Variants in PSMB11 observed in about 807,000 individuals in gnomAD.
PSMB11 encodes proteasome subunit beta type-11.
For synonymous variants in PSMB11, 163 were observed against 167.7 expected (o/e 0.97, Z 0.22); for missense variants, 411 against 408.2 (o/e 1.01, Z -0.06).
At position 23,042,740 on chromosome 14, in the gene PSMB11, G is replaced by A. The variant is rs1002822903; in HGVS notation, c.515G>A (p.Gly172Glu). ...TATAGCGACGGCACCCGCCTGCAGGGGGACATCTTCTCTGTGGGCTCTGGA... is the reference window on the plus strand; with the variant it reads ...TATAGCGACGGCACCCGCCTGCAGGAGGACATCTTCTCTGTGGGCTCTGGA... ...YVYSDGTRLQ[G>E]DIFSVGSGSP... The change falls in exon 1 of 1, where the codon GGG (glycine) becomes GAG (glutamate). Residue 172 changes from glycine (G) to glutamate (E), a missense_variant. By Grantham distance (98) the Gly-to-Glu change is moderately conservative. Transcript: ENST00000408907. 1.2e-6 allele frequency: 2 copies of A among 1,613,204 alleles called. No individual in the cohort carries two copies. The highest frequency in any genetic ancestry group is 8.5e-7 in the Non-Finnish European group (1 of 1,179,998).
rs753428599 is a variant in PSMB11 at position 23,043,087 on chromosome 14, C to A, written c.862C>A (p.Pro288Thr). 6.2e-7 allele frequency: 1 copy of A among 1,613,082 alleles called. No homozygotes were observed. The highest frequency in any genetic ancestry group is 8.5e-7 in the Non-Finnish European group (1 of 1,179,448). ...ELSVGPGEVTPGDSRMPAGTE... is the reference protein window; with the variant it reads ...ELSVGPGEVTTGDSRMPAGTE... ...CTCTGTGGGGCCAGGGGAGGTGACACCAGGAGACTCCAGGATGCCAGCAGG... is the reference window on the plus strand; with the variant it reads ...CTCTGTGGGGCCAGGGGAGGTGACAACAGGAGACTCCAGGATGCCAGCAGG... The change falls in exon 1 of 1, where the codon CCA becomes ACA. Residue 288 changes from proline to threonine, a missense_variant. Transcript: ENST00000408907.
Position 23,042,334 on chromosome 14 carries a change from A to G in PSMB11, c.109A>G (p.Thr37Ala), listed in dbSNP as rs1433597568. 3.1e-6 allele frequency: 5 copies of G among 1,613,386 alleles called. No homozygotes were observed. The South Asian group carries it at 5.5e-5, about 18-fold the overall frequency. The change falls in exon 1 of 1, where the codon ACC (threonine) becomes GCC (alanine). Residue 37 changes from threonine (T) to alanine (A), a missense_variant. Transcript: ENST00000408907. ...TGTGCCCCGGGGTTGTGACCCTCAAACCTTCCTGCAGATCCATGGCCCCAG... is the reference window on the plus strand; with the variant it reads ...TGTGCCCCGGGGTTGTGACCCTCAAGCCTTCCTGCAGATCCATGGCCCCAG... ...WAVPRGCDPQ[T>A]FLQIHGPRLA...
chr14:23,042,295 G>C lies in PSMB11; in HGVS notation c.70G>C (p.Ala24Pro). 5.0e-6 allele frequency: 8 copies of C among 1,613,106 alleles called. No homozygotes were observed. Among genetic ancestry groups the C allele is most frequent in the Non-Finnish European group, 6.8e-6 (8 of 1,179,656 alleles). The change falls in exon 1 of 1, where the codon GCT (alanine) becomes CCT (proline). Residue 24 changes from alanine to proline, a missense_variant. Transcript: ENST00000408907. ...GGGACCATCACCTCACCTGCCTCGG[G>C]CTGGCGGCTGGGCTGTGCCCCGGGG... is the stretch of plus-strand genomic sequence containing the variant. ...TQGPSPHLPR[A>P]GGWAVPRGCD...
rs201195202 is a variant in PSMB11, at chr14:23,042,398, G to T, written c.173G>T (p.Arg58Leu). Residue 58 changes from arginine (R) to leucine (L), a missense_variant, in exon 1 of 1, where the codon CGT becomes CTT. Coordinates refer to ENST00000408907, the MANE Select transcript of PSMB11 (RefSeq NM_001099780.2). ...ACCACCACTCTGGCCTTCCGCTTCC[G>T]TCATGGAGTCATTGCTGCAGCTGAC... is the stretch of plus-strand genomic sequence containing the variant. ...HGTTTLAFRF[R>L]HGVIAAADTR... is the part of the protein sequence containing the mutation. The T allele has an allele frequency of 3.1e-6, 5 of 1,613,806 alleles. No individual in the cohort carries two copies. Among genetic ancestry groups the T allele is most frequent in the Non-Finnish European group, 3.4e-6 (4 of 1,180,040 alleles).
rs767722613 is a variant in PSMB11 at position 23,042,405 on chromosome 14, A to T, written c.180A>T (p.Gly60=). The part of the protein sequence containing the change: ...TTTLAFRFRH[G]VIAAADTRSS... ...CTCTGGCCTTCCGCTTCCGTCATGGAGTCATTGCTGCAGCTGACACGCGTT... is the reference window on the plus strand; with the variant it reads ...CTCTGGCCTTCCGCTTCCGTCATGGTGTCATTGCTGCAGCTGACACGCGTT... Residue 60 remains glycine (G), a synonymous_variant, in exon 1 of 1, where the codon GGA becomes GGT. Coordinates refer to ENST00000408907, the MANE Select transcript of PSMB11 (RefSeq NM_001099780.2). The T allele has an allele frequency of 1.2e-6, 2 of 1,613,830 alleles. No individual in the cohort carries two copies. Among genetic ancestry groups the T allele is most frequent in the Non-Finnish European group, 1.7e-6 (2 of 1,180,018 alleles).
chr14:23,042,445 T>C lies in PSMB11; in HGVS notation c.220T>C (p.Tyr74His). Residue 74 changes from tyrosine (Y) to histidine (H), a missense_variant, in exon 1 of 1, where the codon TAT becomes CAT. Transcript: ENST00000408907. ...AADTRSSCGS[Y>H]VACPASCKVI... The stretch of plus-strand genomic sequence containing the variant: ...TGACACGCGTTCCTCCTGTGGCAGC[T>C]ATGTGGCGTGTCCAGCCTCATGCAA... 6.2e-7 allele frequency: 1 copy of C among 1,614,074 alleles called. No individual in the cohort carries two copies.
In PSMB11 at chr14:23,043,142, G is replaced by A. The variant is rs1374138340; in HGVS notation, c.*14G>A. The stretch of plus-strand genomic sequence containing the variant: ...GAGACGGTGTGAGAAGCAGGACTTG[G>A]TTGGGGATGGTGTAGGCCTGGGGAG... On this transcript the variant is annotated 3_prime_UTR_variant, in exon 1 of 1. Coordinates refer to ENST00000408907, the MANE Select transcript of PSMB11 (RefSeq NM_001099780.2). 2 of 1,589,306 alleles carry A rather than the reference G, an allele frequency of 1.3e-6. No homozygotes were observed. The highest frequency in any genetic ancestry group is 1.3e-5 in the African/African-American group (1 of 74,496).
Position 23,043,152 on chromosome 14 carries a change from G to C in PSMB11, c.*24G>C. 6.4e-7 allele frequency: 1 copy of C among 1,561,786 alleles called. No homozygotes were observed. Among genetic ancestry groups the C allele is most frequent in the Non-Finnish European group, 8.7e-7 (1 of 1,147,350 alleles). ...GAGAAGCAGGACTTGGTTGGGGATG[G>C]TGTAGGCCTGGGGAGTGGGTGGGAG... On this transcript the variant is annotated 3_prime_UTR_variant, in exon 1 of 1. Coordinates refer to ENST00000408907, the MANE Select transcript of PSMB11 (RefSeq NM_001099780.2).
At position 23,043,201 on chromosome 14, in the gene PSMB11, C is replaced by A. The variant is rs143081149; in HGVS notation, c.*73C>A. On this transcript the variant is annotated 3_prime_UTR_variant, in exon 1 of 1. Coordinates refer to ENST00000408907, the MANE Select transcript of PSMB11 (RefSeq NM_001099780.2). ...AGGATGGGCAGCAGGGGGAGGGTCC[C>A]GCTGGCAGCAGCCTCACAGCGTCTG... 32 of 1,106,298 alleles carry A rather than the reference C, an allele frequency of 2.9e-5. No homozygotes were observed. The African/African-American group carries it at 3.9e-4, about 14-fold the overall frequency. The allele number at this position is 1,106,298 out of a possible 1,614,324, so 68.5% of individuals were successfully genotyped here.
Position 23,043,368 on chromosome 14 carries a change from G to A in PSMB11, c.*240G>A, listed in dbSNP as rs557185255. 3.0e-5 allele frequency: 15 copies of A among 503,822 alleles called. No individual in the cohort carries two copies. Among genetic ancestry groups the A allele is most frequent in the South Asian group, 2.6e-4 (7 of 26,424 alleles). The allele number at this position is 503,822 out of a possible 1,614,324, so 31.2% of individuals were successfully genotyped here. On this transcript the variant is annotated 3_prime_UTR_variant, in exon 1 of 1. Transcript: ENST00000408907. Reference sequence around the variant, plus strand: ...CAGCCTCCTTCTTGGCACCAAGTCCGTCTTTCATTCAACACTTGCAGTGTG... The same window carrying A: ...CAGCCTCCTTCTTGGCACCAAGTCCATCTTTCATTCAACACTTGCAGTGTG...
chr14:23,042,793 C>T lies in PSMB11; in HGVS notation c.568C>T (p.Arg190Cys), dbSNP rs1229386682. The part of the protein sequence containing the change: ...GSPYAYGVLD[R>C]GYRYDMSTQE... ...TCCCTATGCCTACGGCGTGCTAGAC[C>T]GTGGCTATCGCTACGACATGAGCAC... is the stretch of plus-strand genomic sequence containing the variant. Residue 190 changes from arginine (R) to cysteine (C), a missense_variant, in exon 1 of 1, where the codon CGT becomes TGT. Coordinates refer to ENST00000408907, the MANE Select transcript of PSMB11 (RefSeq NM_001099780.2). 14 of 1,612,886 alleles carry T rather than the reference C, an allele frequency of 8.7e-6. No homozygotes were observed. The highest frequency in any genetic ancestry group is 1.1e-5 in the South Asian group (1 of 91,088).
Position 23,043,313 on chromosome 14 carries a change from A to G in PSMB11, c.*185A>G. On this transcript the variant is annotated 3_prime_UTR_variant, in exon 1 of 1. Transcript: ENST00000408907. ...CAGAGCTATTATGGCTCTGCCCAAC[A>G]AGTTCCTATTGACTCCCAGTGGATT... The G allele has an allele frequency of 1.8e-6, 1 of 566,450 alleles. No individual in the cohort carries two copies. Among genetic ancestry groups the G allele is most frequent in the South Asian group, 2.8e-5 (1 of 36,184 alleles). The allele number at this position is 566,450 out of a possible 1,614,324, so 35.1% of individuals were successfully genotyped here. A position where few individuals can be genotyped will look rare whatever the true frequency, so the allele number is the denominator to read the frequency against.
Position 23,042,584 on chromosome 14 carries a change from G to T in PSMB11, c.359G>T (p.Gly120Val), listed in dbSNP as rs767071468. The T allele has an allele frequency of 6.2e-7, 1 of 1,614,200 alleles. No individual in the cohort carries two copies. The change falls in exon 1 of 1, where the codon GGT becomes GTT. Residue 120 changes from glycine (G) to valine (V), a missense_variant. Transcript: ENST00000408907. ...CTGCGGCTTCGGGAACTGAGGGAGG[G>T]TCAGCTGCCCAGTGTGGCCAGTGCT... ...RELRLRELRE[G>V]QLPSVASAAK...
chr14:23,043,438 T>G lies in PSMB11; in HGVS notation c.*310T>G. The stretch of plus-strand genomic sequence containing the variant: ...ATGCTAGGTGCTAGACCCTCTTTTC[T>G]TGCCATCTTCTCTGCTTTTTTCCAT... On this transcript the variant is annotated 3_prime_UTR_variant, in exon 1 of 1. Transcript: ENST00000408907. 1 of 284,000 alleles carries G rather than the reference T, an allele frequency of 3.5e-6. No individual in the cohort carries two copies. Among genetic ancestry groups the G allele is most frequent in the Non-Finnish European group, 7.0e-6 (1 of 143,252 alleles). The allele number at this position is 284,000 out of a possible 1,614,324, so 17.6% of individuals were successfully genotyped here.
rs1206565118 is a variant in PSMB11 at position 23,043,180 on chromosome 14, TG to T, written c.*55del. 3.7e-6 allele frequency: 5 copies of T among 1,360,746 alleles called. No homozygotes were observed. Among genetic ancestry groups the T allele is most frequent in the Admixed American group, 2.2e-5 (1 of 45,000 alleles). The allele number at this position is 1,360,746 out of a possible 1,614,324, so 84.3% of individuals were successfully genotyped here. A position where few individuals can be genotyped will look rare whatever the true frequency, so the allele number is the denominator to read the frequency against. ...TAGGCCTGGGGAGTGGGTGGGAGGA[TG>T]GGCAGCAGGGGGAGGGTCCCGCTGG... On this transcript the variant is annotated 3_prime_UTR_variant, in exon 1 of 1. Transcript: ENST00000408907.
rs1272865930 is a variant in PSMB11, at chr14:23,042,411, T to C, written c.186T>C (p.Ile62=). ...TLAFRFRHGV[I]AAADTRSSCG... ...CCTTCCGCTTCCGTCATGGAGTCAT[T>C]GCTGCAGCTGACACGCGTTCCTCCT... Residue 62 remains isoleucine (I), a synonymous_variant, in exon 1 of 1, where the codon ATT becomes ATC. Transcript: ENST00000408907. The C allele has an allele frequency of 3.1e-6, 5 of 1,613,824 alleles. No individual in the cohort carries two copies. The highest frequency in any genetic ancestry group is 3.4e-6 in the Non-Finnish European group (4 of 1,180,028).
Position 23,042,473 on chromosome 14 carries a change from T to G in PSMB11, c.248T>G (p.Val83Gly), listed in dbSNP as rs1308707199. The part of the protein sequence containing the change: ...SYVACPASCK[V>G]IPVHQHLLGT... ...GTGGCGTGTCCAGCCTCATGCAAGG[T>G]CATCCCTGTGCACCAGCACCTCCTG... Residue 83 changes from valine (V) to glycine (G), a missense_variant, in exon 1 of 1, where the codon GTC (valine) becomes GGC (glycine). Transcript: ENST00000408907. 1 of 1,614,152 alleles carries G rather than the reference T, an allele frequency of 6.2e-7. No homozygotes were observed. Among genetic ancestry groups the G allele is most frequent in the Non-Finnish European group, 8.5e-7 (1 of 1,180,036 alleles).
Position 23,042,683 on chromosome 14 carries a change from G to C in PSMB11, c.458G>C (p.Trp153Ser). ...DLCVATALCG[W>S]DRSGPELFYV... Reference sequence around the variant, plus strand: ...TGTGTGGCCACTGCCCTCTGCGGCTGGGACCGCTCTGGCCCTGAGCTCTTC... The same window carrying C: ...TGTGTGGCCACTGCCCTCTGCGGCTCGGACCGCTCTGGCCCTGAGCTCTTC... The change falls in exon 1 of 1, where the codon TGG (tryptophan) becomes TCG (serine). Residue 153 changes from tryptophan to serine, a missense_variant. By Grantham distance (177) the Trp-to-Ser change is radical. Coordinates refer to ENST00000408907, the MANE Select transcript of PSMB11 (RefSeq NM_001099780.2). The C allele has an allele frequency of 6.2e-7, 1 of 1,613,694 alleles. No individual in the cohort carries two copies. Among genetic ancestry groups the C allele is most frequent in the Non-Finnish European group, 8.5e-7 (1 of 1,180,022 alleles).
rs770602219 is a variant in PSMB11, at chr14:23,042,215, C to T, written c.-11C>T. 5 of 1,539,576 alleles carry T rather than the reference C, an allele frequency of 3.2e-6. No homozygotes were observed. The East Asian group carries it at 1.1e-4, about 35-fold the overall frequency. The stretch of plus-strand genomic sequence containing the variant: ...TGGCTTGCTTCTTCCAAACTTCATT[C>T]AGCCCCAGGGATGGCTCTGCAGGAT... On this transcript the variant is annotated 5_prime_UTR_variant, in exon 1 of 1. Coordinates refer to ENST00000408907, the MANE Select transcript of PSMB11 (RefSeq NM_001099780.2).
Sources: allele counts gnomAD v4.1 joint callset, GRCh38; gene constraint gnomAD v4.1.1; transcripts MANE v1.5; gene names NCBI Gene and HGNC (gene_info 2026-07-23, HGNC 2026-07-21).